The following MLIP variants were observed in gnomAD, a reference collection of about 807,000 sequenced individuals.
The protein encoded by MLIP is muscular LMNA interacting protein, also known as muscular LMNA-interacting protein.
MLIP carries 79 observed loss-of-function variants against 84.8 expected under a neutral mutation model. The observed-to-expected ratio is 0.93, with a 90% CI of 0.78 to 1.12. The LOEUF (loss-of-function observed/expected upper bound fraction) is 1.12, where lower values mean the gene tolerates loss of function less well. Among genes scored for constraint, MLIP ranks in the 50% most tolerant of loss-of-function variants. The pLI, the probability that MLIP is intolerant of heterozygous loss-of-function variation, is 0.00. For missense variants in MLIP, 1,257 were observed against 1,160.6 expected (o/e 1.08, Z -1.21); for synonymous variants, 504 against 463.0 (o/e 1.09, Z -1.14).
rs547163973 is a variant in MLIP, at chr6:54,138,137, T to A, written c.2068T>A (p.Ser690Thr). Reference protein sequence around the residue: ...HPHCGSGTLPSRLGKSESTTP... With the variant: ...HPHCGSGTLPTRLGKSESTTP... ...ACATTGCGGCAGTGGTACCTTGCCT[T>A]CAAGACTTGGGAAATCTGAAAGCAC... Residue 690 changes from serine to threonine, a missense_variant, in exon 4 of 14, where the codon TCA (serine) becomes ACA (threonine). By Grantham distance (58) the Ser-to-Thr change is moderately conservative. Coordinates refer to ENST00000502396, the MANE Select transcript of MLIP (RefSeq NM_001281747.2). 197 of 1,536,090 alleles carry A rather than the reference T, an allele frequency of 1.3e-4. No individual in the cohort carries two copies. Among genetic ancestry groups the A allele is most frequent in the African/African-American group, 1.0e-3 (75 of 73,158 alleles).
chr6:54,243,532 C>T (rs1781877740), intron 12 of MLIP, among the ~76,000 whole-genome samples: 1 of 152,118 alleles, frequency 6.6e-6, no homozygotes, highest in Admixed American at 6.6e-5. Flanking sequence ...AGACAACATT[C>T]CACTTACTTC....
intron 12 of MLIP, among the ~76,000 whole-genome samples, chr6:54,240,534 A>G (rs531991963): frequency 6.6e-6 from 1 of 152,204 alleles, no homozygotes; most frequent in African/African-American, 2.4e-5. Flanking sequence ...ATTTACGTAA[A>G]TGTTATTGTG....
At chr6:54,168,302 T>C (rs998880884) in intron 8 of MLIP, among the ~76,000 whole-genome samples, 2 of 151,774 alleles carry the variant, frequency 1.3e-5, no homozygotes, top group Admixed American at 1.3e-4. Context: ...TCAACATTGA[T>C]CATCTAATTT....
At chr6:54,167,902 T>G (rs1222067069) in intron 8 of MLIP, among the ~76,000 whole-genome samples, 2 of 151,768 alleles carry the variant, frequency 1.3e-5, no homozygotes, top group African/African-American at 4.8e-5. Context: ...ACTTTCTCTC[T>G]CTATACCTGT....
chr6:54,259,427 G>A (rs970315851), intron 13 of MLIP, among the ~76,000 whole-genome samples: 2 of 151,806 alleles, frequency 1.3e-5, no homozygotes, highest in Non-Finnish European at 2.9e-5. Context: ...CAATAAGAGT[G>A]TTCCTACACA....
At chr6:54,251,567 A>C (rs1323656855) in intron 12 of MLIP, among the ~76,000 whole-genome samples, 1 of 90,366 alleles carries the variant, frequency 1.1e-5, no homozygotes, top group Non-Finnish European at 1.9e-5. Flanking sequence ...ATATAAATAT[A>C]TATTATAGCA....
intron 12 of MLIP, among the ~76,000 whole-genome samples, chr6:54,253,242 T>C (rs570933806): frequency 6.6e-6 from 1 of 152,240 alleles, no homozygotes; most frequent in South Asian, 2.1e-4. Flanking sequence ...TGAGGGATGG[T>C]CTTGAGAAGG....
At position 54,266,039 on chromosome 6, in the gene MLIP, T is replaced by A; in HGVS notation, c.*84T>A. Reference sequence around the variant, plus strand: ...CCACTTGCTAGATTTAACTTTTTTTTTTTTTTCCAGAATGAGTGCTCCCTT... The same window carrying A: ...CCACTTGCTAGATTTAACTTTTTTTATTTTTTCCAGAATGAGTGCTCCCTT... On this transcript the variant is annotated 3_prime_UTR_variant, in exon 14 of 14. Coordinates refer to ENST00000502396, the MANE Select transcript of MLIP (RefSeq NM_001281747.2). The A allele has an allele frequency of 6.8e-7, 1 of 1,465,936 alleles. No homozygotes were observed. Among genetic ancestry groups the A allele is most frequent in the Non-Finnish European group, 9.4e-7 (1 of 1,061,998 alleles). The allele number at this position is 1,465,936 out of a possible 1,614,324, so 90.8% of individuals were successfully genotyped here. A position where few individuals can be genotyped will look rare whatever the true frequency, so the allele number is the denominator to read the frequency against.
intron 11 of MLIP, among the ~76,000 whole-genome samples, chr6:54,224,409 C>T (rs2150781301): frequency 6.7e-6 from 1 of 149,888 alleles, no homozygotes; most frequent in South Asian, 2.1e-4. Context: ...AACCAATTAC[C>T]AAAAGAAAAA....
At chr6:54,091,881 G>A (rs1003733486) in intron 1 of MLIP, among the ~76,000 whole-genome samples, 12 of 152,166 alleles carry the variant, frequency 7.9e-5, no homozygotes, top group African/African-American at 2.9e-4. Flanking sequence ...CTAATTTTAT[G>A]ATTTCTGCTA....
chr6:54,078,691 CTTT>C (rs70980890), intron 1 of MLIP, among the ~76,000 whole-genome samples: 1 of 133,350 alleles, frequency 7.5e-6, no homozygotes, highest in Non-Finnish European at 1.6e-5. Flanking sequence ...TTCTTTCTTT[CTTT>C]TTTTTTTTTT....
chr6:54,187,570 A>G (rs1777516380), intron 9 of MLIP, among the ~76,000 whole-genome samples: 1 of 152,218 alleles, frequency 6.6e-6, no homozygotes, highest in Non-Finnish European at 1.5e-5. Context: ...GCCATGTTAA[A>G]CATACTAACA....
chr6:54,205,197 A>G (rs530221423), intron 11 of MLIP, among the ~76,000 whole-genome samples: 1 of 152,368 alleles, frequency 6.6e-6, no homozygotes, highest in East Asian at 1.9e-4. Flanking sequence ...AATAACTTGA[A>G]TAATAAAATG....
chr6:54,053,975 A>G (rs1765507092), intron 1 of MLIP, among the ~76,000 whole-genome samples: 1 of 152,224 alleles, frequency 6.6e-6, no homozygotes, highest in African/African-American at 2.4e-5. Context: ...TGAGCAAAGC[A>G]TAATTCAGAG....
chr6:54,169,011 A>G (rs1394946107), intron 8 of MLIP, among the ~76,000 whole-genome samples: 2 of 151,742 alleles, frequency 1.3e-5, no homozygotes, highest in African/African-American at 2.4e-5. Flanking sequence ...GGAAGTCCCA[A>G]TGATGTGGAT....
intron 3 of MLIP, among the ~76,000 whole-genome samples, chr6:54,132,542 C>A (rs1307744234): frequency 6.6e-6 from 1 of 152,118 alleles, no homozygotes; most frequent in East Asian, 1.9e-4. Context: ...GTAAAGAAAT[C>A]TAGGCCATCT....
At chr6:54,160,252 T>TTTACA in intron 5 of MLIP, 115 bp from the exon 6 acceptor site, 1 of 780,188 alleles carries the variant, frequency 1.3e-6, no homozygotes. Flanking sequence ...CATCAAATAC[T>TTTACA]GTAAATATTT....
At chr6:54,238,670 G>A (rs1241107004) in intron 12 of MLIP, among the ~76,000 whole-genome samples, 1 of 152,170 alleles carries the variant, frequency 6.6e-6, no homozygotes, top group Non-Finnish European at 1.5e-5. Flanking sequence ...CAGAAGCAAG[G>A]CTGAGATTTC....
chr6:54,106,869 T>C (rs1413535111), upstream of MLIP, among the ~76,000 whole-genome samples: 1 of 152,146 alleles, frequency 6.6e-6, no homozygotes, highest in African/African-American at 2.4e-5. Context: ...CTTATAAATG[T>C]TATTTACAGC....
Sources: allele counts gnomAD v4.1 joint callset (sites outside exome capture counted in the v4.1 genomes callset), GRCh38; gene constraint gnomAD v4.1.1; transcripts MANE v1.5; gene names NCBI Gene and HGNC (gene_info 2026-07-23, HGNC 2026-07-21).